TTN: variants seen among roughly 807,000 people sequenced by gnomAD.
TTN encodes the protein titin.
Under a neutral mutation model 3,223.0 loss-of-function variants are expected in TTN, and 1,525 were observed. The observed-to-expected ratio is 0.47, with a 90% CI of 0.45 to 0.49. The LOEUF (loss-of-function observed/expected upper bound fraction) is 0.49. Among genes scored for constraint, TTN ranks in the 20% least tolerant of loss-of-function variants. The pLI is 0.00. For missense variants in TTN, 40,786 were observed against 43,424.0 expected, an observed-to-expected ratio of 0.94 and a Z score of 5.40; for synonymous variants, 14,094 against 15,161.0, an observed-to-expected ratio of 0.93 and a Z score of 5.17.
At position 178,560,024 on chromosome 2, in the gene TTN, T is replaced by C. The variant is rs1406320039; in HGVS notation, c.86108A>G (p.Gln28703Arg). The C allele has an allele frequency of 6.2e-7, 1 of 1,613,654 alleles. No individual in the cohort carries two copies. Among genetic ancestry groups the C allele is most frequent in the Non-Finnish European group, 8.5e-7 (1 of 1,179,812 alleles). The change falls in exon 326 of 363, where the codon CAG (glutamine) becomes CGG (arginine). Residue 28703 changes from glutamine to arginine, a missense_variant. Gln to Arg is a conservative substitution (Grantham distance 43). Transcript: ENST00000589042. Reference sequence around the variant, plus strand: ...TGTATATTCTGTCCCTCGTAAGCTCTGAATGGAAGTTTTCCAGTCAGTGTC... The same window carrying C: ...TGTATATTCTGTCCCTCGTAAGCTCCGAATGGAAGTTTTCCAGTCAGTGTC... ...SDDTDWKTSI[Q>R]SLRGTEYTIS...
chr2:178,713,168 T>C lies in TTN; in HGVS notation c.26966A>G (p.Glu8989Gly). 1 of 1,613,774 alleles carries C rather than the reference T, an allele frequency of 6.2e-7. No homozygotes were observed. The highest frequency in any genetic ancestry group is 1.1e-5 in the South Asian group (1 of 91,074). Residue 8989 changes from glutamate (E) to glycine (G), a missense_variant, in exon 93 of 363, where the codon GAA becomes GGA. Coordinates refer to ENST00000589042, the MANE Select transcript of TTN (RefSeq NM_001267550.2). ...NTCALTVNML[E>G]ESDSGDYTCI... ...TGTGTAGTCACCACTGTCTGATTCTTCCAGCATGTTCACAGTTAAAGCACA... is the reference window on the plus strand; with the variant it reads ...TGTGTAGTCACCACTGTCTGATTCTCCCAGCATGTTCACAGTTAAAGCACA...
At position 178,732,994 on chromosome 2, in the gene TTN, G is replaced by A. The variant is rs571815568; in HGVS notation, c.16182C>T (p.Gly5394=). The A allele has an allele frequency of 6.2e-7, 1 of 1,613,368 alleles. No homozygotes were observed. The highest frequency in any genetic ancestry group is 8.5e-7 in the Non-Finnish European group (1 of 1,179,742). Residue 5394 remains glycine, a synonymous_variant, in exon 55 of 363, where the codon GGC becomes GGT. Transcript: ENST00000589042. ...LPMRVSWFKD[G]KEIAASDRYR... The stretch of plus-strand genomic sequence containing the variant: ...ATCTGTCAGAAGCAGCTATTTCTTT[G>A]CCATCCTTAAACCAGGACACCCTCA...
Position 178,727,141 on chromosome 2 carries a change from C to A in TTN, c.20224G>T (p.Ala6742Ser), listed in dbSNP as rs2079479232. Reference sequence around the variant, plus strand: ...CTTGTGCTGCCAGCGGGATTCTGAGCCTCACAAATGAAATCTCCACTGTCC... The same window carrying A: ...CTTGTGCTGCCAGCGGGATTCTGAGACTCACAAATGAAATCTCCACTGTCC... ...TEDSGDFICE[A>S]QNPAGSTSCS... Residue 6742 changes from alanine to serine, a missense_variant, in exon 69 of 363, where the codon GCT (alanine) becomes TCT (serine). Physicochemically the swap from Ala to Ser is moderately conservative, Grantham distance 99. Coordinates refer to ENST00000589042, the MANE Select transcript of TTN (RefSeq NM_001267550.2). The A allele has an allele frequency of 1.2e-6, 2 of 1,602,666 alleles. No homozygotes were observed. The highest frequency in any genetic ancestry group is 2.2e-5 in the South Asian group (2 of 89,048).
chr2:178,579,433 C>T, intron 319 of TTN, 40 bp from the exon 320 acceptor site: 2 of 1,556,438 alleles, frequency 1.3e-6, no homozygotes, highest in African/African-American at 1.4e-5. Context: ...ATTTTTAAGG[C>T]CAGGCGATTA....
chr2:178,632,546 C>T lies in TTN; in HGVS notation c.43460G>A (p.Ser14487Asn), dbSNP rs770233190. Reference protein sequence around the residue: ...YMFEAEDKHTSGKLIIEGIRL... With the variant: ...YMFEAEDKHTNGKLIIEGIRL... ...TTTACCTTCAATGATCAGTTTGCCA[C>T]TTGTGTGCTTATCTTCAGCTTCAAA... Residue 14487 changes from serine to asparagine, a missense_variant, in exon 235 of 363, where the codon AGT (serine) becomes AAT (asparagine). Coordinates refer to ENST00000589042, the MANE Select transcript of TTN (RefSeq NM_001267550.2). 40 of 1,613,166 alleles carry T rather than the reference C, an allele frequency of 2.5e-5. No homozygotes were observed. Among genetic ancestry groups the T allele is most frequent in the Non-Finnish European group, 3.2e-5 (38 of 1,179,556 alleles).
rs1246846526 is a variant in TTN, at chr2:178,675,093, C to T, written c.34558G>A (p.Val11520Met). The T allele has an allele frequency of 1.3e-6, 2 of 1,561,572 alleles. No individual in the cohort carries two copies. Among genetic ancestry groups the T allele is most frequent in the African/African-American group, 1.4e-5 (1 of 71,378 alleles). Residue 11520 changes from valine to methionine, a missense_variant, in exon 150 of 363, where the codon GTG becomes ATG. By Grantham distance (21) the Val-to-Met change is conservative. Transcript: ENST00000589042. ...PAKVPEVPKK[V>M]EEKRIILPKE... ...GGGAGAATGATTCGTTTTTCTTCCACCTTCTTAGGCACCTCAGGAACTTGA... is the reference window on the plus strand; with the variant it reads ...GGGAGAATGATTCGTTTTTCTTCCATCTTCTTAGGCACCTCAGGAACTTGA...
intron 43 of TTN, among the ~76,000 whole-genome samples, chr2:178,761,398 A>C (rs1574445730): frequency 6.6e-6 from 1 of 152,234 alleles, no homozygotes; most frequent in East Asian, 1.9e-4. Flanking sequence ...AATACCAAAA[A>C]CTTTAGCACG....
chr2:178,527,260 C>T lies in TTN; in HGVS notation c.107728G>A (p.Glu35910Lys), dbSNP rs370649675. 11 of 1,611,500 alleles carry T rather than the reference C, an allele frequency of 6.8e-6. No homozygotes were observed. The African/African-American group carries it at 9.3e-5, about 14-fold the overall frequency. ...EALPSDISID[E>K]GKVLTVACAF... is the part of the protein sequence containing the mutation. ...CAGGCTACTGTTAGAACTTTGCCTT[C>T]ATCAATGCTGATATCAGATGGAAGA... The change falls in exon 363 of 363, where the codon GAA becomes AAA. Residue 35910 changes from glutamate to lysine, a missense_variant. By Grantham distance (56) the Glu-to-Lys change is moderately conservative (BLOSUM62 1). Transcript: ENST00000589042.
chr2:178,618,189 C>T lies in TTN; in HGVS notation c.47269G>A (p.Asp15757Asn). 6.2e-7 allele frequency: 1 copy of T among 1,611,388 alleles called. No individual in the cohort carries two copies. Among genetic ancestry groups the T allele is most frequent in the Non-Finnish European group, 8.5e-7 (1 of 1,178,830 alleles). The change falls in exon 252 of 363, where the codon GAT becomes AAT. Residue 15757 changes from aspartate to asparagine, a missense_variant and splice_region_variant. Physicochemically the swap from Asp to Asn is conservative, Grantham distance 23. Transcript: ENST00000589042. ...CTTGAATTTACTTAAAACTTCTTAC[C>T]ATATTTACTCCTTGCTTCTACAGGA... is the stretch of plus-strand genomic sequence containing the variant. ...DNPVEARSKY[D>N]VPGPPLNVTI...
In TTN at chr2:178,740,490, T is replaced by C. The variant is rs770583611; in HGVS notation, c.12743A>G (p.Gln4248Arg). The C allele has an allele frequency of 6.2e-7, 1 of 1,613,736 alleles. No individual in the cohort carries two copies. Among genetic ancestry groups the C allele is most frequent in the African/African-American group, 1.3e-5 (1 of 75,048 alleles). ...EKTVSDTNRE[Q>R]RVTLQKQEAQ... Reference sequence around the variant, plus strand: ...CTCTTGCTTTTGAAGAGTCACTCTTTGCTCTCTGTTGGTGTCAGATACTGT... The same window carrying C: ...CTCTTGCTTTTGAAGAGTCACTCTTCGCTCTCTGTTGGTGTCAGATACTGT... Residue 4248 changes from glutamine (Q) to arginine (R), a missense_variant, in exon 48 of 363, where the codon CAA becomes CGA. By Grantham distance (43) the Gln-to-Arg change is conservative. Transcript: ENST00000589042.
Position 178,776,946 on chromosome 2 carries a change from T to C in TTN, c.4918A>G (p.Thr1640Ala). The C allele has an allele frequency of 1.2e-6, 2 of 1,613,782 alleles. No homozygotes were observed. Among genetic ancestry groups the C allele is most frequent in the Non-Finnish European group, 1.7e-6 (2 of 1,179,920 alleles). ...ATAINKAGRDTTRCKVNVEVE... is the reference protein window; with the variant it reads ...ATAINKAGRDATRCKVNVEVE... ...TCAACATTTACTTTGCATCTTGTAG[T>C]GTCTCTGCCAGCTTTATTAATAGCA... The change falls in exon 28 of 363, where the codon ACT (threonine) becomes GCT (alanine). Residue 1640 changes from threonine (T) to alanine (A), a missense_variant. Physicochemically the swap from Thr to Ala is moderately conservative, Grantham distance 58. Transcript: ENST00000589042.
chr2:178,599,688 A>C lies in TTN; in HGVS notation c.56213T>G (p.Val18738Gly), dbSNP rs777956655. 4.3e-6 allele frequency: 7 copies of C among 1,612,992 alleles called. No individual in the cohort carries two copies. The highest frequency in any genetic ancestry group is 5.9e-6 in the Non-Finnish European group (7 of 1,179,398). ...AGTATCATCTACCACCAGTTTGTTG[A>C]CATGGGTGTCATAGAGAACAGGTTC... is the stretch of plus-strand genomic sequence containing the variant. ...NKEPVLYDTH[V>G]NKLVVDDTCT... Residue 18738 changes from valine to glycine, a missense_variant, in exon 289 of 363, where the codon GTC (valine) becomes GGC (glycine). By Grantham distance (109) the Val-to-Gly change is moderately radical. Coordinates refer to ENST00000589042, the MANE Select transcript of TTN (RefSeq NM_001267550.2).
rs368574470 is a variant in TTN at position 178,773,346 on chromosome 2, G to A, written c.7618C>T (p.Arg2540Cys). The A allele has an allele frequency of 1.0e-4, 163 of 1,613,924 alleles. No homozygotes were observed. The highest frequency in any genetic ancestry group is 2.7e-4 in the African/African-American group (20 of 75,024). The change falls in exon 33 of 363, where the codon CGT becomes TGT. Residue 2540 changes from arginine (R) to cysteine (C), a missense_variant. Arg to Cys is a radical substitution (Grantham distance 180). Coordinates refer to ENST00000589042, the MANE Select transcript of TTN (RefSeq NM_001267550.2). ...TGAGTTTCTGTACAGGTAAGGTCAC[G>A]AAGACCTCTGATAATTTTAATTTCT... ...VEKIKIIRGL[R>C]DLTCTETQNV...
intron 40 of TTN, 104 bp downstream of exon 40, chr2:178,767,655 T>C: frequency 1.3e-6 from 2 of 1,510,434 alleles, no homozygotes; most frequent in Non-Finnish European, 1.8e-6. Flanking sequence ...TTTAATTCTT[T>C]AAAGGATGGT....
Position 178,644,541 on chromosome 2 carries a change from G to C in TTN, c.40477+7C>G, listed in dbSNP as rs1553759307. Reference sequence around the variant, plus strand: ...CATAAGTATGTATTTTTCAGCCTGTGAAATACCTTTCAGAGGTGTAAGCTC... The same window carrying C: ...CATAAGTATGTATTTTTCAGCCTGTCAAATACCTTTCAGAGGTGTAAGCTC... On this transcript the variant is annotated splice_region_variant and intron_variant, in intron 218 of 362. Coordinates refer to ENST00000589042, the MANE Select transcript of TTN (RefSeq NM_001267550.2). The C allele has an allele frequency of 1.3e-6, 2 of 1,570,442 alleles. No individual in the cohort carries two copies. Among genetic ancestry groups the C allele is most frequent in the Non-Finnish European group, 1.7e-6 (2 of 1,162,782 alleles).
rs531274141 is a variant in TTN, at chr2:178,680,456, T to C, written c.33341-125A>G. 8.2e-5 allele frequency: 66 copies of C among 801,082 alleles called. No individual in the cohort carries two copies. The South Asian group carries it at 9.9e-4, about 12-fold the overall frequency. The allele number at this position is 801,082 out of a possible 1,614,324, so 49.6% of individuals were successfully genotyped here. A position where few individuals can be genotyped will look rare whatever the true frequency, so the allele number is the denominator to read the frequency against. On this transcript the variant is annotated intron_variant, in intron 138 of 362. Coordinates refer to ENST00000589042, the MANE Select transcript of TTN (RefSeq NM_001267550.2). ...CTTTAATGAGATACATATGCGATTG[T>C]TCATCTTTAAGAAACTATATACTCT...
chr2:178,592,909 C>T lies in TTN; in HGVS notation c.59210G>A (p.Cys19737Tyr), dbSNP rs748295228. 1 of 1,613,498 alleles carries T rather than the reference C, an allele frequency of 6.2e-7. No homozygotes were observed. Among genetic ancestry groups the T allele is most frequent in the Non-Finnish European group, 8.5e-7 (1 of 1,179,582 alleles). Residue 19737 changes from cysteine (C) to tyrosine (Y), a missense_variant, in exon 300 of 363, where the codon TGT (cysteine) becomes TAT (tyrosine). Physicochemically the swap from Cys to Tyr is radical, Grantham distance 194 (BLOSUM62 -2). Coordinates refer to ENST00000589042, the MANE Select transcript of TTN (RefSeq NM_001267550.2). ...WRRANHTPES[C>Y]PETKYKVTGL... is the part of the protein sequence containing the mutation. ...GGTGACTTTATATTTAGTTTCAGGA[C>T]ATGACTCAGGGGTGTGATTGGCTCT... is the stretch of plus-strand genomic sequence containing the variant.
At chr2:178,748,383 T>A (rs1414938845) in intron 47 of TTN, 1 of 1,613,136 alleles carries the variant, frequency 6.2e-7, no homozygotes, top group East Asian at 2.2e-5. Context: ...ATTTCTTGAC[T>A]GGCAAATACA....
Position 178,609,905 on chromosome 2 carries a change from T to C in TTN, c.51518A>G (p.Tyr17173Cys), listed in dbSNP as rs748656984. The C allele has an allele frequency of 3.7e-6, 6 of 1,612,916 alleles. No individual in the cohort carries two copies. The South Asian group carries it at 5.5e-5, about 15-fold the overall frequency. Residue 17173 changes from tyrosine to cysteine, a missense_variant, in exon 272 of 363, where the codon TAT becomes TGT. Tyr to Cys is a radical substitution (Grantham distance 194). Transcript: ENST00000589042. ...AMTITWKPPL[Y>C]DGGSKIMGYI... ...GCCCATTATCTTGCTCCCTCCATCA[T>C]ACAAAGGTGGCTTCCATGTAATAGT...
Sources: allele counts gnomAD v4.1 joint callset (sites outside exome capture counted in the v4.1 genomes callset), GRCh38; gene constraint gnomAD v4.1.1; transcripts MANE v1.5; gene names NCBI Gene and HGNC (gene_info 2026-07-23, HGNC 2026-07-21).